The following NKAIN2 variants were observed in gnomAD, a reference collection of about 807,000 sequenced individuals.
NKAIN2 encodes sodium/potassium transporting ATPase interacting 2, also known as sodium/potassium-transporting ATPase subunit beta-1-interacting protein 2.
NKAIN2 carries 14 observed loss-of-function variants against 32.6 expected under a neutral mutation model. That is an observed-to-expected ratio of 0.43 (90% CI 0.28 to 0.67). The LOEUF is 0.67. Among genes scored for constraint, NKAIN2 ranks in the 30% least tolerant of loss-of-function variants. NKAIN2 has a pLI of 0.17. For synonymous variants in NKAIN2, 80 were observed against 87.2 expected, an observed-to-expected ratio of 0.92 and a Z score of 0.46; for missense variants, 198 against 258.3, an observed-to-expected ratio of 0.77 and a Z score of 1.60.
chr6:124,479,611 C>T (rs1286774161), intron 3 of NKAIN2, among the ~76,000 whole-genome samples: 1 of 152,154 alleles, frequency 6.6e-6, no homozygotes, highest in African/African-American at 2.4e-5. Context: ...CTTATTGAAT[C>T]ATTTGTTGGC....
intron 1 of NKAIN2, among the ~76,000 whole-genome samples, chr6:124,068,037 A>G (rs1783273638): frequency 6.6e-6 from 1 of 152,060 alleles, no homozygotes; most frequent in Non-Finnish European, 1.5e-5. Flanking sequence ...AATCAGTACT[A>G]CTCTGTTTAT....
chr6:123,991,817 G>A (rs886809100), intron 1 of NKAIN2, among the ~76,000 whole-genome samples: 8 of 152,020 alleles, frequency 5.3e-5, no homozygotes, highest in African/African-American at 9.7e-5. Context: ...AGCTGAGATC[G>A]CACCACTGCA....
At chr6:123,815,953 T>A (rs1582580583) in intron 1 of NKAIN2, among the ~76,000 whole-genome samples, 2 of 152,204 alleles carry the variant, frequency 1.3e-5, no homozygotes, top group East Asian at 3.9e-4. Context: ...TAGGGCAGCA[T>A]GATAAGAACT....
At chr6:124,429,910 T>A (rs1239929734) in intron 3 of NKAIN2, among the ~76,000 whole-genome samples, 1 of 152,002 alleles carries the variant, frequency 6.6e-6, no homozygotes, top group East Asian at 1.9e-4. Context: ...AGAATTAGCA[T>A]CGGGGACAGA....
intron 1 of NKAIN2, among the ~76,000 whole-genome samples, chr6:123,894,034 C>A (rs1026425485): frequency 1.3e-5 from 2 of 152,178 alleles, no homozygotes; most frequent in Non-Finnish European, 2.9e-5. Flanking sequence ...TGTTTGGGTA[C>A]TACAAGTATA....
intron 1 of NKAIN2, among the ~76,000 whole-genome samples, chr6:123,905,495 C>A (rs375434555): frequency 6.6e-6 from 1 of 151,994 alleles, no homozygotes; most frequent in South Asian, 2.1e-4. Flanking sequence ...ATATTCCCAG[C>A]CTGTTTACTA....
At chr6:123,952,978 C>T (rs911265757) in intron 1 of NKAIN2, among the ~76,000 whole-genome samples, 23 of 152,144 alleles carry the variant, frequency 1.5e-4, no homozygotes, top group Admixed American at 3.9e-4. Flanking sequence ...ACATTGATAT[C>T]TCCATAGGTG....
chr6:123,868,089 T>C (rs187069935), intron 1 of NKAIN2, among the ~76,000 whole-genome samples: 2,217 of 152,096 alleles, frequency 0.015, 18 homozygotes, highest in Middle Eastern at 0.024. Context: ...AGGATGGTCT[T>C]GATCTCCTGA....
chr6:124,759,588 A>AACACAC (rs542448143), intron 4 of NKAIN2, among the ~76,000 whole-genome samples: 93 of 84,534 alleles, frequency 1.1e-3, no homozygotes, highest in African/African-American at 4.0e-3. Flanking sequence ...CTGAAATTGC[A>AACACAC]ACACACACAC....
chr6:124,491,475 A>T (rs900801060), intron 3 of NKAIN2, among the ~76,000 whole-genome samples: 1 of 151,890 alleles, frequency 6.6e-6, no homozygotes, highest in Non-Finnish European at 1.5e-5. Flanking sequence ...TGAGGTAGCT[A>T]TGAGAAAGGT....
chr6:124,410,786 A>G (rs1322205192), intron 3 of NKAIN2, among the ~76,000 whole-genome samples: 1 of 152,182 alleles, frequency 6.6e-6, no homozygotes, highest in African/African-American at 2.4e-5. Flanking sequence ...TAATGTTGAC[A>G]GTGGGGTGTT....
At chr6:124,331,237 C>T (rs1031272958) in intron 2 of NKAIN2, among the ~76,000 whole-genome samples, 1 of 150,678 alleles carries the variant, frequency 6.6e-6, no homozygotes, top group African/African-American at 2.4e-5. Context: ...CACAGTGGCT[C>T]ACGCCTATAA....
intron 3 of NKAIN2, among the ~76,000 whole-genome samples, chr6:124,430,333 T>C (rs924510397): frequency 6.6e-6 from 1 of 152,226 alleles, no homozygotes; most frequent in Admixed American, 6.5e-5. Flanking sequence ...TATGTTGCTG[T>C]ATAGCAAGCT....
chr6:124,263,998 T>C (rs1794370047), intron 1 of NKAIN2, among the ~76,000 whole-genome samples: 1 of 152,182 alleles, frequency 6.6e-6, no homozygotes, highest in Non-Finnish European at 1.5e-5. Flanking sequence ...AAATCTGTTT[T>C]CCTTGTAGGA....
chr6:124,719,118 A>G (rs1287993373), intron 4 of NKAIN2, among the ~76,000 whole-genome samples: 3 of 152,208 alleles, frequency 2.0e-5, no homozygotes, highest in Non-Finnish European at 4.4e-5. Flanking sequence ...TTTATCATCT[A>G]TCATTAGTCA....
At chr6:124,247,441 C>T (rs1397954060) in intron 1 of NKAIN2, among the ~76,000 whole-genome samples, 2 of 152,064 alleles carry the variant, frequency 1.3e-5, no homozygotes, top group Non-Finnish European at 2.9e-5. Flanking sequence ...TTCTACTCAA[C>T]GTCATAAACT....
intron 1 of NKAIN2, among the ~76,000 whole-genome samples, chr6:123,933,603 A>G (rs1038973051): frequency 6.6e-6 from 1 of 152,220 alleles, no homozygotes; most frequent in Non-Finnish European, 1.5e-5. Context: ...TGGCTAATAC[A>G]GAAAAGTAGC....
chr6:124,818,506 T>C (rs776404180), intron 6 of NKAIN2, 38 bp downstream of exon 6: 11 of 936,998 alleles, frequency 1.2e-5, no homozygotes, highest in Non-Finnish European at 1.8e-5. Flanking sequence ...TCTGGGGTAC[T>C]AAAGATAATC....
rs1305926288 is a variant in NKAIN2, at chr6:124,732,838, T to A, written c.475-58501T>A. Reference sequence around the variant, plus strand: ...TCTACTAGATATTAACCCAACTGATTTGAAAGCTTATATCCATATAAAAAT... The same window carrying A: ...TCTACTAGATATTAACCCAACTGATATGAAAGCTTATATCCATATAAAAAT... On this transcript the variant is annotated intron_variant, in intron 4 of 6. Transcript: ENST00000368417. 6.6e-5 allele frequency among the ~76,000 whole-genome samples: 10 copies of A among 152,168 alleles called. No homozygotes were observed. The East Asian group carries it at 1.7e-3, about 26-fold the overall frequency.
Sources: gnomAD v4.1 joint callset for allele counts (sites outside exome capture counted in the v4.1 genomes callset) on GRCh38, gnomAD v4.1.1 for gene constraint, MANE v1.5 for transcripts, NCBI Gene and HGNC (gene_info 2026-07-23, HGNC 2026-07-21) for gene names.